The following CENPI variants were observed in gnomAD, a reference collection of about 807,000 sequenced individuals.
The protein encoded by CENPI is FSH primary response 1.
A neutral mutation model predicts 60.4 loss-of-function variants in CENPI; 4 were observed. That is an observed-to-expected ratio of 0.07 (90% CI 0.03 to 0.15). The LOEUF (loss-of-function observed/expected upper bound fraction) is 0.15. Among genes scored for constraint, CENPI ranks in the 10% least tolerant of loss-of-function variants. CENPI has a pLI of 1.00. For missense variants in CENPI, 444 were observed against 534.5 expected, an observed-to-expected ratio of 0.83 and a Z score of 1.67; for synonymous variants, 157 against 189.4, an observed-to-expected ratio of 0.83 and a Z score of 1.40.
intron 19 of CENPI, 32 bp downstream of exon 19, chrX:101,147,843 T>C: frequency 8.4e-7 from 1 of 1,189,143 alleles, no homozygotes; most frequent in Non-Finnish European, 1.1e-6. Context: ...GTTAAATCAC[T>C]GTTGTTTAAA....
chrX:101,143,900 T>C (rs1423302302), intron 16 of CENPI, among the ~76,000 whole-genome samples: 1 of 111,694 alleles, frequency 9.0e-6, no homozygotes, highest in African/African-American at 3.3e-5. Context: ...TTGATTTGTG[T>C]ACTGTAGGTT....
chrX:101,102,494 T>TACACACACACACACAC lies in CENPI; in HGVS notation c.364+84_364+85insCACACACACACACACA, dbSNP rs199833748. 7.4e-5 allele frequency: 22 copies of TACACACACACACACAC among 298,603 alleles called. No individual in the cohort carries two copies. In the African/African-American group the frequency reaches 8.0e-4, roughly 11 times the overall value. 24.6% of individuals were successfully genotyped at this position (298,603 alleles called of 1,213,427 possible). On this transcript the variant is annotated intron_variant, in intron 4 of 21. Coordinates refer to ENST00000682095, the MANE Select transcript of CENPI (RefSeq NM_001386188.2). ...CTTTTAAAAATAAATCTTATATATA[T>TACACACACACACACAC]ATACACACACACACACACACACATA...
At position 101,102,380 on chromosome X, in the gene CENPI, T is replaced by C. The variant is rs763160317; in HGVS notation, c.333T>C (p.Ile111=). The stretch of plus-strand genomic sequence containing the variant: ...GGTTAGCTTCAGAAGAAATTGATAT[T>C]CTATTAAATATTGCACTCAGTGGCA... ...KNGLASEEID[I]LLNIALSGKF... Residue 111 remains isoleucine (I), a synonymous_variant, in exon 4 of 22, where the codon ATT becomes ATC. Transcript: ENST00000682095. The C allele has an allele frequency of 2.5e-6, 3 of 1,193,309 alleles. No individual in the cohort carries two copies. The South Asian group carries it at 5.5e-5, about 22-fold the overall frequency.
chrX:101,121,802 C>CTTTT (rs746498873), intron 8 of CENPI, among the ~76,000 whole-genome samples: 2 of 79,658 alleles, frequency 2.5e-5, no homozygotes, highest in Non-Finnish European at 4.8e-5. Context: ...TCTAGGAAAG[C>CTTTT]TTTTTTTTTT....
At position 101,165,597 on chromosome X, in the gene CENPI, G is replaced by A. The variant is rs1329130888; in HGVS notation, c.*2630G>A. Among the ~76,000 whole-genome samples the A allele has an allele frequency of 9.0e-6, 1 of 111,537 alleles. No individual in the cohort carries two copies. The highest frequency in any genetic ancestry group is 1.9e-5 in the Non-Finnish European group (1 of 53,110). The stretch of plus-strand genomic sequence containing the variant: ...TTGGGACTAGAAAATTAATTTGGGA[G>A]TCATTAGGGAATAACCATGACTTTG... On this transcript the variant is annotated 3_prime_UTR_variant, in exon 22 of 22. Coordinates refer to ENST00000682095, the MANE Select transcript of CENPI (RefSeq NM_001386188.2).
intron 6 of CENPI, among the ~76,000 whole-genome samples, 159 bp from the exon 7 acceptor site, chrX:101,120,243 A>C (rs1308410979): frequency 8.9e-6 from 1 of 111,950 alleles, no homozygotes; most frequent in Non-Finnish European, 1.9e-5. Flanking sequence ...TTTTATCACT[A>C]TACAGTAGGA....
At chrX:101,114,025 G>C (rs5921724) in intron 6 of CENPI, among the ~76,000 whole-genome samples, 31,316 of 110,952 alleles carry the variant, frequency 0.28, 3,343 homozygotes, top group African/African-American at 0.36. Flanking sequence ...GGGAGGCCGA[G>C]GGGGGCAGAT....
intron 6 of CENPI, among the ~76,000 whole-genome samples, chrX:101,118,899 G>A (rs777755339): frequency 9.0e-6 from 1 of 111,731 alleles, no homozygotes; most frequent in South Asian, 3.7e-4. Context: ...AAAAGATTCC[G>A]GCCAGGTGTG....
At chrX:101,144,087 C>CT (rs58858609) in intron 16 of CENPI, among the ~76,000 whole-genome samples, 4,957 of 79,550 alleles carry the variant, frequency 0.062, 407 homozygotes, top group African/African-American at 0.2. Context: ...TTTTCTTTTT[C>CT]TTTTTTTTTT....
intron 20 of CENPI, among the ~76,000 whole-genome samples, chrX:101,154,567 C>A (rs934193907): frequency 9.1e-6 from 1 of 110,440 alleles, no homozygotes; most frequent in Non-Finnish European, 1.9e-5. Context: ...GGCGAAAGAG[C>A]AAAACTCTGT....
In CENPI at chrX:101,102,516, C is replaced by CACACATAT. The variant is rs778560144; in HGVS notation, c.364+106_364+107insCACATATA. Reference sequence around the variant, plus strand: ...ATATATACACACACACACACACACACATATATATATATACTTTTTTTTATA... The same window carrying CACACATAT: ...ATATATACACACACACACACACACACACACATATATATATATATATACTTTTTTTTATA... On this transcript the variant is annotated intron_variant, in intron 4 of 21. Coordinates refer to ENST00000682095, the MANE Select transcript of CENPI (RefSeq NM_001386188.2). 2.8e-5 allele frequency: 6 copies of CACACATAT among 210,662 alleles called. No homozygotes were observed. In the South Asian group the frequency reaches 6.6e-4, roughly 23 times the overall value. The allele number at this position is 210,662 out of a possible 1,213,427, so 17.4% of individuals were successfully genotyped here.
chrX:101,144,854 T>A (rs1463715138), intron 16 of CENPI, among the ~76,000 whole-genome samples: 1 of 112,091 alleles, frequency 8.9e-6, no homozygotes, highest in Admixed American at 9.5e-5. Context: ...GCTTAGAATG[T>A]TCTATGAATT....
At chrX:101,102,053 T>C (rs2089422790) in intron 3 of CENPI, among the ~76,000 whole-genome samples, 1 of 111,884 alleles carries the variant, frequency 8.9e-6, no homozygotes, top group Admixed American at 9.5e-5. Context: ...TTTAATTTTT[T>C]TGTAGAGATG....
rs769103251 is a variant in CENPI, at chrX:101,101,227, G to T, written c.157G>T (p.Asp53Tyr). 9 of 1,208,806 alleles carry T rather than the reference G, an allele frequency of 7.4e-6. No individual in the cohort carries two copies. The South Asian group carries it at 1.4e-4, about 19-fold the overall frequency. The change falls in exon 3 of 22, where the codon GAT becomes TAT. Residue 53 changes from aspartate to tyrosine, a missense_variant. By Grantham distance (160) the Asp-to-Tyr change is radical (BLOSUM62 -3). Transcript: ENST00000682095. ...SKHGQNNPVG[D>Y]YEHADDQAEE... ...ACATGGACAAAACAATCCAGTGGGA[G>T]ATTATGAACATGCTGATGATCAAGC...
intron 20 of CENPI, among the ~76,000 whole-genome samples, 171 bp from the exon 21 acceptor site, chrX:101,161,357 A>G (rs2090106618): frequency 8.9e-6 from 1 of 112,481 alleles, no homozygotes. Context: ...AAGCTGATGG[A>G]TATTTGAAAG....
At position 101,164,220 on chromosome X, in the gene CENPI, A is replaced by G. The variant is rs1458913716; in HGVS notation, c.*1253A>G. ...TTCAGACTAGAAATCCCACTCGTCC[A>G]TTGACTCATTAATTGATTCAATAAA... is the stretch of plus-strand genomic sequence containing the variant. On this transcript the variant is annotated 3_prime_UTR_variant, in exon 22 of 22. Transcript: ENST00000682095. 1.8e-5 allele frequency among the ~76,000 whole-genome samples: 2 copies of G among 111,326 alleles called. No homozygotes were observed. The highest frequency in any genetic ancestry group is 3.8e-5 in the Non-Finnish European group (2 of 53,128).
At chrX:101,169,931 C>G (rs1308600401), downstream of CENPI, among the ~76,000 whole-genome samples, 1 of 103,838 alleles carries the variant, frequency 9.6e-6, no homozygotes. Flanking sequence ...TGTTTGTGTT[C>G]TAAGTGTTAT....
intron 20 of CENPI, among the ~76,000 whole-genome samples, chrX:101,158,639 T>C (rs2090077036): frequency 9.3e-6 from 1 of 107,694 alleles, no homozygotes; most frequent in African/African-American, 3.4e-5. Context: ...TCACTTTTTT[T>C]TTTTTTTTTG....
At chrX:101,105,351 CG>C (rs2089471012) in intron 4 of CENPI, among the ~76,000 whole-genome samples, 1 of 110,272 alleles carries the variant, frequency 9.1e-6, no homozygotes, top group Admixed American at 9.8e-5. Flanking sequence ...GGTGAAACCC[CG>C]TCTCTCCTAA....
Sources: allele counts gnomAD v4.1 joint callset (sites outside exome capture counted in the v4.1 genomes callset), GRCh38; gene constraint gnomAD v4.1.1; transcripts MANE v1.5; gene names NCBI Gene and HGNC (gene_info 2026-07-23, HGNC 2026-07-21).